Variants in SGCD observed in about 807,000 individuals in gnomAD.
SGCD encodes the protein delta-sarcoglycan.
SGCD carries 18 observed loss-of-function variants against 36.6 expected under a neutral mutation model. That is an observed-to-expected ratio of 0.49 (90% CI 0.34 to 0.73). The LOEUF is 0.73. Among genes scored for constraint, SGCD ranks in the 30% least tolerant of loss-of-function variants. The pLI, the probability that SGCD is intolerant of heterozygous loss-of-function variation, is 0.01. For synonymous variants in SGCD, 133 were observed against 130.6 expected, an observed-to-expected ratio of 1.02 and a Z score of -0.12; for missense variants, 387 against 346.7, an observed-to-expected ratio of 1.12 and a Z score of -0.92.
At chr5:156,371,780 A>C (rs559380672) in intron 3 of SGCD, among the ~76,000 whole-genome samples, 3 of 152,328 alleles carry the variant, frequency 2.0e-5, no homozygotes, top group African/African-American at 7.2e-5. Context: ...AGATATATTC[A>C]GTGCCCCATG....
At chr5:156,352,657 A>C (rs545385373) in intron 3 of SGCD, among the ~76,000 whole-genome samples, 2 of 152,336 alleles carry the variant, frequency 1.3e-5, no homozygotes, top group East Asian at 3.9e-4. Flanking sequence ...ACTTGTGATC[A>C]TGTAAGAAAT....
At chr5:156,281,516 A>G (rs1409967969) in intron 3 of SGCD, among the ~76,000 whole-genome samples, 1 of 152,158 alleles carries the variant, frequency 6.6e-6, no homozygotes, top group Non-Finnish European at 1.5e-5. Context: ...TATTTTTTCA[A>G]CAAATAATTA....
At chr5:156,348,709 A>G (rs1249000669) in intron 3 of SGCD, among the ~76,000 whole-genome samples, 1 of 152,198 alleles carries the variant, frequency 6.6e-6, no homozygotes, top group Non-Finnish European at 1.5e-5. Flanking sequence ...TGTACTTCCT[A>G]TCAAAATATC....
At chr5:156,442,922 T>A (rs1753559618) in intron 3 of SGCD, among the ~76,000 whole-genome samples, 1 of 152,174 alleles carries the variant, frequency 6.6e-6, no homozygotes, top group Non-Finnish European at 1.5e-5. Flanking sequence ...AAACCGTAGC[T>A]GTGATGGAGC....
the SGCD span, among the ~76,000 whole-genome samples, chr5:155,829,476 A>T: frequency 6.6e-6 from 1 of 152,160 alleles, no homozygotes; most frequent in Non-Finnish European, 1.5e-5. Context: ...TCACAAGAAA[A>T]TTTCCCCCAG....
At chr5:156,011,448 T>G (rs1440550216) in intron 1 of SGCD, among the ~76,000 whole-genome samples, 1 of 149,966 alleles carries the variant, frequency 6.7e-6, no homozygotes, top group Non-Finnish European at 1.5e-5. Flanking sequence ...AGAATTCTAT[T>G]GTTTTTTTTT....
rs143449933 is a variant in SGCD, at chr5:156,730,707, T to C, written c.576-26874T>C. Among the ~76,000 whole-genome samples, 1,030 of 152,294 alleles carry C rather than the reference T, an allele frequency of 6.8e-3. 5 individuals carry two copies. The highest frequency in any genetic ancestry group is 0.012 in the Non-Finnish European group (784 of 67,992). On this transcript the variant is annotated intron_variant, in intron 7 of 8. Transcript: ENST00000337851. ...CATATGCATCCATGTGTCTTTATAATAGAATAATTTATATTCCTGTGGGTA... is the reference window on the plus strand; with the variant it reads ...CATATGCATCCATGTGTCTTTATAACAGAATAATTTATATTCCTGTGGGTA...
intron 1 of SGCD, among the ~76,000 whole-genome samples, chr5:156,096,273 C>T (rs1170720290): frequency 6.6e-6 from 1 of 152,176 alleles, no homozygotes; most frequent in African/African-American, 2.4e-5. Flanking sequence ...GGCCACCAAA[C>T]ATTGTAGCCA....
chr5:156,038,786 C>T (rs528151028), intron 1 of SGCD, among the ~76,000 whole-genome samples: 8 of 152,260 alleles, frequency 5.3e-5, no homozygotes, highest in East Asian at 3.9e-4. Context: ...CTAGAAAAGG[C>T]GCAGAAGAAC....
At chr5:156,514,362 C>T (rs1011323528) in intron 4 of SGCD, among the ~76,000 whole-genome samples, 7 of 152,172 alleles carry the variant, frequency 4.6e-5, no homozygotes, top group Admixed American at 2.6e-4. Context: ...ATAGGAAAGC[C>T]GTATCATGAA....
At chr5:155,922,624 A>C (rs957593802) in intron 1 of SGCD, among the ~76,000 whole-genome samples, 4 of 152,212 alleles carry the variant, frequency 2.6e-5, no homozygotes, top group African/African-American at 9.6e-5. Flanking sequence ...TATTTGGTCA[A>C]TATTTCTGAG....
intron 3 of SGCD, among the ~76,000 whole-genome samples, chr5:156,399,992 A>G (rs545045651): frequency 6.2e-4 from 94 of 152,208 alleles, no homozygotes; most frequent in Non-Finnish European, 1.1e-3. Context: ...GGTATTCCAT[A>G]GAGTCTATGG....
At chr5:156,330,027 A>C (rs184217561) in intron 2 of SGCD, among the ~76,000 whole-genome samples, 133 of 150,264 alleles carry the variant, frequency 8.9e-4, no homozygotes, top group African/African-American at 3.2e-3. Context: ...AAAAAAAAAA[A>C]AAAAAAAAAA....
intron 1 of SGCD, among the ~76,000 whole-genome samples, chr5:155,969,066 A>T (rs1444184401): frequency 6.6e-6 from 1 of 152,122 alleles, no homozygotes; most frequent in African/African-American, 2.4e-5. Context: ...ATTCACATTG[A>T]TGTACATTTA....
intron 3 of SGCD, among the ~76,000 whole-genome samples, chr5:156,508,136 A>G (rs1409593543): frequency 6.6e-6 from 1 of 152,166 alleles, no homozygotes; most frequent in Non-Finnish European, 1.5e-5. Flanking sequence ...AAATATTAGC[A>G]ACTAACTTGA....
chr5:155,752,291 C>T, the SGCD span, among the ~76,000 whole-genome samples: 1 of 152,198 alleles, frequency 6.6e-6, no homozygotes, highest in South Asian at 2.1e-4. Flanking sequence ...TTCCATTGCT[C>T]TGAGAACATG....
the SGCD span, among the ~76,000 whole-genome samples, chr5:155,810,596 A>G: frequency 6.6e-6 from 1 of 152,042 alleles, no homozygotes; most frequent in East Asian, 1.9e-4. Context: ...AACTTTCCTA[A>G]GTTAAATAAA....
chr5:156,006,295 C>G (rs1758760290), intron 1 of SGCD, among the ~76,000 whole-genome samples: 1 of 152,170 alleles, frequency 6.6e-6, no homozygotes, highest in African/African-American at 2.4e-5. Flanking sequence ...CACTTTCTAG[C>G]TTGGCATTGA....
chr5:156,081,653 C>A (rs1280651975), intron 1 of SGCD, among the ~76,000 whole-genome samples: 1 of 152,274 alleles, frequency 6.6e-6, no homozygotes, highest in Non-Finnish European at 1.5e-5. Flanking sequence ...TTAGCCCCCA[C>A]AAAGTGCCAG....
Sources: gnomAD v4.1 joint callset for allele counts (sites outside exome capture counted in the v4.1 genomes callset) on GRCh38, gnomAD v4.1.1 for gene constraint, MANE v1.5 for transcripts, NCBI Gene and HGNC (gene_info 2026-07-23, HGNC 2026-07-21) for gene names.